LPP: variants seen among roughly 807,000 people sequenced by gnomAD.
The protein encoded by LPP is lipoma-preferred partner.
In LPP, 38 loss-of-function variants were observed where a neutral mutation model predicts 60.4. The observed-to-expected ratio is 0.63, with a 90% CI of 0.49 to 0.83. LPP has a LOEUF of 0.83. Among genes scored for constraint, LPP ranks in the 40% least tolerant of loss-of-function variants. LPP has a pLI of 0.00. For missense variants in LPP, 902 were observed against 783.6 expected (o/e 1.15, Z -1.80); for synonymous variants, 328 against 290.8 (o/e 1.13, Z -1.30).
At chr3:188,353,563 T>A (rs945604614) in intron 3 of LPP, among the ~76,000 whole-genome samples, 8 of 152,252 alleles carry the variant, frequency 5.3e-5, no homozygotes, top group African/African-American at 1.9e-4. Context: ...TGCATTTAGA[T>A]CTTTTGTCTC....
chr3:188,484,524 C>A (rs1805750436), intron 4 of LPP, 68 bp from the exon 5 acceptor site: 9 of 1,111,156 alleles, frequency 8.1e-6, no homozygotes, highest in Middle Eastern at 2.0e-4. Flanking sequence ...AAAATGCCAG[C>A]AAATATATCA....
intron 2 of LPP, among the ~76,000 whole-genome samples, chr3:188,230,577 A>G (rs1719545912): frequency 6.6e-6 from 1 of 152,032 alleles, no homozygotes; most frequent in African/African-American, 2.4e-5. Flanking sequence ...TGAGGTCGGG[A>G]GTTCAAGACC....
chr3:188,692,145 C>A (rs1862259784), intron 7 of LPP, among the ~76,000 whole-genome samples: 1 of 152,192 alleles, frequency 6.6e-6, no homozygotes, highest in South Asian at 2.1e-4. Context: ...ATCAAAAAAT[C>A]ACCACAGCCA....
At chr3:188,799,316 C>G (rs532466936) in intron 9 of LPP, among the ~76,000 whole-genome samples, 23 of 152,300 alleles carry the variant, frequency 1.5e-4, no homozygotes, top group Non-Finnish European at 3.2e-4. Flanking sequence ...ACCTGTTTAA[C>G]CTTTACATTC....
In LPP at chr3:188,245,158, GCTGGAGTGCAGTGACACAATC is replaced by G. The variant is rs1726446916; in HGVS notation, c.-67+19632_-67+19652del. 2.0e-5 allele frequency among the ~76,000 whole-genome samples: 3 copies of G among 151,852 alleles called. No individual in the cohort carries two copies. In the South Asian group the frequency reaches 6.2e-4, roughly 32 times the overall value. On this transcript the variant is annotated intron_variant, in intron 2 of 11. Coordinates refer to ENST00000617246, the MANE Select transcript of LPP (RefSeq NM_001375462.1). ...AACAGAGTCTTGCTCTGTCACCCAG[GCTGGAGTGCAGTGACACAATC>G]TTGGCTCACTGCAACCTCTGCCTCC...
chr3:188,714,607 C>T (rs1434566654), intron 8 of LPP, among the ~76,000 whole-genome samples: 1 of 151,768 alleles, frequency 6.6e-6, no homozygotes, highest in African/African-American at 2.4e-5. Context: ...ATGATTTCTT[C>T]TGGAAAGGTG....
intron 6 of LPP, among the ~76,000 whole-genome samples, chr3:188,594,502 G>T (rs1839600641): frequency 6.6e-6 from 1 of 152,126 alleles, no homozygotes; most frequent in Non-Finnish European, 1.5e-5. Flanking sequence ...CTGTTTCTCT[G>T]TCTATACTTG....
intron 2 of LPP, among the ~76,000 whole-genome samples, chr3:188,283,729 A>G (rs767138028): frequency 6.6e-6 from 1 of 152,148 alleles, no homozygotes; most frequent in Non-Finnish European, 1.5e-5. Context: ...TTTCAGATCT[A>G]TAAAATGGAG....
At chr3:188,798,755 C>T (rs1423835527) in intron 9 of LPP, among the ~76,000 whole-genome samples, 2 of 148,304 alleles carry the variant, frequency 1.3e-5, no homozygotes, top group Non-Finnish European at 1.5e-5. Context: ...CTCATAACAA[C>T]ATGGGAAGCC....
intron 6 of LPP, among the ~76,000 whole-genome samples, chr3:188,596,854 C>G (rs1444159461): frequency 2.0e-5 from 3 of 152,118 alleles, no homozygotes; most frequent in Non-Finnish European, 2.9e-5. Context: ...GCAAATATAG[C>G]CACTTGCTCA....
At chr3:188,425,289 T>G (rs1788983179) in intron 4 of LPP, among the ~76,000 whole-genome samples, 3 of 152,230 alleles carry the variant, frequency 2.0e-5, no homozygotes, top group African/African-American at 7.2e-5. Context: ...ATCCCAGGGA[T>G]GAAGCTGACT....
At chr3:188,744,505 A>G (rs1432254121) in intron 8 of LPP, among the ~76,000 whole-genome samples, 2 of 152,142 alleles carry the variant, frequency 1.3e-5, no homozygotes, top group East Asian at 3.9e-4. Context: ...TAAGGTGCAA[A>G]TTTTAGCTCT....
At chr3:188,392,281 C>G (rs1010740069) in intron 3 of LPP, among the ~76,000 whole-genome samples, 2 of 152,048 alleles carry the variant, frequency 1.3e-5, no homozygotes, top group African/African-American at 4.8e-5. Flanking sequence ...GAGGGAAGAC[C>G]CTGAGGTGGG....
intron 7 of LPP, among the ~76,000 whole-genome samples, chr3:188,633,995 T>G (rs1005533261): frequency 2.0e-5 from 3 of 152,122 alleles, no homozygotes; most frequent in African/African-American, 7.2e-5. Flanking sequence ...AAAACTGTAC[T>G]ACCATCAGTC....
chr3:188,762,210 T>C (rs1732601102), intron 9 of LPP, among the ~76,000 whole-genome samples: 1 of 152,150 alleles, frequency 6.6e-6, no homozygotes, highest in Non-Finnish European at 1.5e-5. Flanking sequence ...TTACGTCACT[T>C]AGTGCCTCCC....
chr3:188,244,018 C>A (rs2149492126), intron 2 of LPP, among the ~76,000 whole-genome samples: 1 of 152,132 alleles, frequency 6.6e-6, no homozygotes, highest in South Asian at 2.1e-4. Flanking sequence ...TTACAGGTGC[C>A]CGTCACCACG....
intron 7 of LPP, among the ~76,000 whole-genome samples, chr3:188,616,573 T>C (rs1413394183): frequency 1.2e-5 from 1 of 82,894 alleles, no homozygotes; most frequent in Non-Finnish European, 2.4e-5. Context: ...GTACAGGCTC[T>C]TTTTCATTTC....
chr3:188,636,220 A>C (rs1455836593), intron 7 of LPP, among the ~76,000 whole-genome samples: 2 of 152,230 alleles, frequency 1.3e-5, no homozygotes, highest in Admixed American at 6.5e-5. Flanking sequence ...GAGCCGAAGC[A>C]GGGCGAGGCA....
chr3:188,839,915 A>T (rs911518490), intron 9 of LPP, among the ~76,000 whole-genome samples: 24 of 152,208 alleles, frequency 1.6e-4, no homozygotes, highest in African/African-American at 5.5e-4. Flanking sequence ...AATTTAAAAA[A>T]GAGTAAGTTG....
Sources: gnomAD v4.1 joint callset for allele counts (sites outside exome capture counted in the v4.1 genomes callset) on GRCh38, gnomAD v4.1.1 for gene constraint, MANE v1.5 for transcripts, NCBI Gene and HGNC (gene_info 2026-07-23, HGNC 2026-07-21) for gene names.